The following ATP6V1B1 variants were observed in gnomAD, a reference collection of about 807,000 sequenced individuals.
ATP6V1B1 encodes V-type proton ATPase subunit B, kidney isoform.
ATP6V1B1 carries 41 observed loss-of-function variants against 62.1 expected under a neutral mutation model. That is an observed-to-expected ratio of 0.66 (90% CI 0.51 to 0.86). ATP6V1B1 has a LOEUF of 0.86. ATP6V1B1 is among the 40% of genes least tolerant of loss of function. The probability of loss-of-function intolerance (pLI) is 0.00; values close to 1 mark genes in which losing one functional copy is unlikely to be tolerated. For missense variants in ATP6V1B1, 651 were observed against 697.5 expected (o/e 0.93, Z 0.75); for synonymous variants, 253 against 273.4 (o/e 0.93, Z 0.74).
chr2:70,960,221 C>A, intron 6 of ATP6V1B1, 143 bp downstream of exon 6: 1 of 1,286,338 alleles, frequency 7.8e-7, no homozygotes, highest in Non-Finnish European at 1.1e-6. Flanking sequence ...TGGCAGCTGT[C>A]CCTGGGCAGC....
chr2:70,936,179 G>C, intron 1 of ATP6V1B1, 107 bp downstream of exon 1: 1 of 1,118,398 alleles, frequency 8.9e-7, no homozygotes, highest in East Asian at 2.6e-5. Context: ...GAGGACCCAA[G>C]ACCTGGGGAG....
At chr2:70,951,979 A>T (rs1553418365) in intron 2 of ATP6V1B1, among the ~76,000 whole-genome samples, 2 of 152,192 alleles carry the variant, frequency 1.3e-5, no homozygotes, top group Non-Finnish European at 2.9e-5. Context: ...GTCTTACTGT[A>T]TAAACAAAAA....
At chr2:70,936,222 C>T (rs548366441) in intron 1 of ATP6V1B1, 150 bp downstream of exon 1, 51 of 804,224 alleles carry the variant, frequency 6.3e-5, no homozygotes, top group Admixed American at 7.7e-5. Context: ...CAGAGTGACG[C>T]AGTGGGGCCA....
intron 1 of ATP6V1B1, 89 bp from the exon 2 acceptor site, chr2:70,943,569 G>T: frequency 7.6e-7 from 1 of 1,318,124 alleles, no homozygotes. Flanking sequence ...GTGGGGTGTG[G>T]AGAGAGGAAG....
chr2:70,945,320 G>C (rs1187081145), intron 2 of ATP6V1B1, among the ~76,000 whole-genome samples: 1 of 152,106 alleles, frequency 6.6e-6, no homozygotes, highest in Non-Finnish European at 1.5e-5. Context: ...ACCGTGGTTT[G>C]TTCCTTACAT....
chr2:70,964,638 A>T, intron 12 of ATP6V1B1, 96 bp downstream of exon 12: 1 of 1,612,506 alleles, frequency 6.2e-7, no homozygotes, highest in Non-Finnish European at 8.5e-7. Flanking sequence ...TCCTGGCAAA[A>T]TTCCTTTCCG....
At chr2:70,949,512 A>C (rs1230983495) in intron 2 of ATP6V1B1, among the ~76,000 whole-genome samples, 2 of 152,250 alleles carry the variant, frequency 1.3e-5, no homozygotes, top group South Asian at 4.1e-4. Context: ...GCTTGCCCAG[A>C]AGGGTTGTGG....
At chr2:70,962,711 C>G in intron 8 of ATP6V1B1, 66 bp from the exon 9 acceptor site, 1 of 1,604,338 alleles carries the variant, frequency 6.2e-7, no homozygotes, top group African/African-American at 1.3e-5. Context: ...TTGCGCTCAG[C>G]CCCCAGGCTA....
At chr2:70,961,526 C>A in intron 7 of ATP6V1B1, 70 bp from the exon 8 acceptor site, 1 of 1,507,232 alleles carries the variant, frequency 6.6e-7, no homozygotes, top group Non-Finnish European at 9.2e-7. Flanking sequence ...CCTGAGGACA[C>A]CTGGGAGGGG....
chr2:70,947,932 G>A (rs1164563176), intron 2 of ATP6V1B1, among the ~76,000 whole-genome samples: 2 of 152,070 alleles, frequency 1.3e-5, no homozygotes, highest in African/African-American at 4.8e-5. Flanking sequence ...TATCCCCCAC[G>A]GGAATTCTCC....
chr2:70,939,138 G>A (rs1679925399), intron 1 of ATP6V1B1, among the ~76,000 whole-genome samples: 1 of 152,250 alleles, frequency 6.6e-6, no homozygotes, highest in African/African-American at 2.4e-5. Flanking sequence ...CTCCCAGGAC[G>A]CTGCAGGTGT....
chr2:70,952,100 G>T (rs1680334828), intron 2 of ATP6V1B1, among the ~76,000 whole-genome samples: 1 of 152,104 alleles, frequency 6.6e-6, no homozygotes, highest in African/African-American at 2.4e-5. Flanking sequence ...TGTTGATGTT[G>T]GTTTTGGTTA....
chr2:70,959,038 G>A lies in ATP6V1B1; in HGVS notation c.388G>A (p.Gly130Ser), dbSNP rs781975535. ...DMLGRVFNGS[G>S]KPIDKGPVVM... ...CTCAGGTCGGGTTTTCAATGGCTCC[G>A]GCAAGCCCATTGACAAGGGGCCAGT... Residue 130 changes from glycine to serine, a missense_variant, in exon 5 of 14, where the codon GGC becomes AGC. Physicochemically the swap from Gly to Ser is moderately conservative, Grantham distance 56. Transcript: ENST00000234396. The surrounding 1 kb of genome is among the most constrained non-coding windows in gnomAD (Gnocchi z 4.2). 10 of 1,614,014 alleles carry A rather than the reference G, an allele frequency of 6.2e-6. 1 individual carries two copies. The highest frequency in any genetic ancestry group is 3.3e-5 in the South Asian group (3 of 91,088).
At chr2:70,951,506 A>G (rs894634036) in intron 2 of ATP6V1B1, among the ~76,000 whole-genome samples, 2 of 152,090 alleles carry the variant, frequency 1.3e-5, no homozygotes, top group African/African-American at 4.8e-5. Context: ...ATGTCTGTCT[A>G]GCTTCCTATA....
At chr2:70,944,463 T>C (rs1680096574) in intron 2 of ATP6V1B1, among the ~76,000 whole-genome samples, 5 of 151,688 alleles carry the variant, frequency 3.3e-5, no homozygotes, top group Admixed American at 3.3e-4. Context: ...CGGTGCCCCT[T>C]TGACCCCTCT....
chr2:70,958,491 C>A, intron 4 of ATP6V1B1, 65 bp downstream of exon 4: 1 of 1,466,976 alleles, frequency 6.8e-7, no homozygotes, highest in East Asian at 2.3e-5. Flanking sequence ...CTTCTCTGAC[C>A]AAACCCTCAG....
chr2:70,961,122 G>A, intron 7 of ATP6V1B1, 100 bp downstream of exon 7: 1 of 1,292,180 alleles, frequency 7.7e-7, no homozygotes, highest in Non-Finnish European at 1.1e-6. Flanking sequence ...GAAGCCATCA[G>A]TGTCCCGGCC....
intron 2 of ATP6V1B1, among the ~76,000 whole-genome samples, chr2:70,945,795 C>G (rs1680155626): frequency 6.9e-6 from 1 of 143,918 alleles, no homozygotes; most frequent in South Asian, 2.2e-4. Context: ...ACTTATTGCT[C>G]CTGGCTAGCT....
chr2:70,950,512 T>C (rs1224779900), intron 2 of ATP6V1B1, among the ~76,000 whole-genome samples: 1 of 152,136 alleles, frequency 6.6e-6, no homozygotes, highest in African/African-American at 2.4e-5. Flanking sequence ...TTTCTTGTTA[T>C]ATTTATTTCT....
Sources: gnomAD v4.1 joint callset for allele counts (sites outside exome capture counted in the v4.1 genomes callset) on GRCh38, gnomAD v4.1.1 for gene constraint, Gnocchi (gnomAD v3.1) non-coding constraint, MANE v1.5 for transcripts, NCBI Gene and HGNC (gene_info 2026-07-23, HGNC 2026-07-21) for gene names.